Variants in CELF2 observed in about 807,000 individuals in gnomAD.
The protein encoded by CELF2 is CUG triplet repeat RNA-binding protein 2.
CELF2 carries 8 observed loss-of-function variants against 62.6 expected under a neutral mutation model. The observed-to-expected ratio is 0.13, with a 90% CI of 0.07 to 0.23. The LOEUF (loss-of-function observed/expected upper bound fraction) is 0.23. CELF2 is among the 10% of genes least tolerant of loss of function. The probability of loss-of-function intolerance (pLI) is 1.00; values close to 1 mark genes in which losing one functional copy is unlikely to be tolerated. For synonymous variants in CELF2, 258 were observed against 250.0 expected (o/e 1.03, Z -0.30); for missense variants, 333 against 671.0 (o/e 0.50, Z 5.56).
the CELF2 span, among the ~76,000 whole-genome samples, chr10:10,696,261 C>T: frequency 5.7e-4 from 87 of 151,972 alleles, no homozygotes; most frequent in Middle Eastern, 3.4e-3. Flanking sequence ...AGTACCCTGC[C>T]GTGTGAGGTG....
the CELF2 span, among the ~76,000 whole-genome samples, chr10:10,736,782 A>G: frequency 6.6e-6 from 1 of 152,162 alleles, no homozygotes; most frequent in South Asian, 2.1e-4. Context: ...TACTAATAAC[A>G]CACAAAAATG....
intron 2 of CELF2, among the ~76,000 whole-genome samples, chr10:10,956,310 T>C (rs537024896): frequency 2.0e-5 from 3 of 152,330 alleles, no homozygotes; most frequent in Admixed American, 6.5e-5. Flanking sequence ...ATCAAAATGT[T>C]AGGGCTTTAA....
the CELF2 span, among the ~76,000 whole-genome samples, chr10:10,516,259 A>G: frequency 0.99 from 150,058 of 152,298 alleles, 73,965 homozygotes; most frequent in East Asian, 1. Context: ...CAACCAGAAG[A>G]TTCATGGGAT....
the CELF2 span, among the ~76,000 whole-genome samples, chr10:10,618,539 C>T: frequency 6.6e-6 from 1 of 152,028 alleles, no homozygotes; most frequent in African/African-American, 2.4e-5. Flanking sequence ...CTCAAAGCAC[C>T]CCGACCATTC....
the CELF2 span, among the ~76,000 whole-genome samples, chr10:10,765,712 T>C: frequency 2.0e-5 from 3 of 152,200 alleles, no homozygotes; most frequent in Non-Finnish European, 4.4e-5. Flanking sequence ...CTACCTGTTC[T>C]AGAGTTCGCT....
the CELF2 span, among the ~76,000 whole-genome samples, chr10:10,535,921 G>A: frequency 3.9e-5 from 6 of 152,124 alleles, no homozygotes; most frequent in Non-Finnish European, 5.9e-5. Flanking sequence ...GCAAACCTGT[G>A]GGATAAATAG....
the CELF2 span, among the ~76,000 whole-genome samples, chr10:10,564,724 A>G: frequency 6.6e-6 from 1 of 151,510 alleles, no homozygotes; most frequent in Non-Finnish European, 1.5e-5. Context: ...TCCACGAAGA[A>G]AAGCAGCCAA....
intron 1 of CELF2, among the ~76,000 whole-genome samples, chr10:11,025,241 A>ATATATATATATATG (rs1564418086): frequency 1.1e-5 from 1 of 87,084 alleles, no homozygotes; most frequent in Non-Finnish European, 2.6e-5. Context: ...GTGTGTGTGT[A>ATATATATATATATG]TATGTATGTG....
chr10:10,918,583 G>C (rs977852900), intron 1 of CELF2, among the ~76,000 whole-genome samples: 1 of 152,192 alleles, frequency 6.6e-6, no homozygotes, highest in African/African-American at 2.4e-5. Context: ...AGTTCTAATA[G>C]CTGGGAGGGT....
At chr10:10,686,850 A>G in the CELF2 span, among the ~76,000 whole-genome samples, 1 of 152,168 alleles carries the variant, frequency 6.6e-6, no homozygotes, top group African/African-American at 2.4e-5. Context: ...TTGCACTACA[A>G]AAGGCTCATT....
upstream of CELF2, among the ~76,000 whole-genome samples, chr10:11,001,326 T>C (rs537186870): frequency 7.2e-5 from 11 of 152,356 alleles, no homozygotes; most frequent in African/African-American, 2.6e-4. Context: ...ATTTGTGTAC[T>C]GTCCCATGCT....
chr10:10,998,175 G>A (rs1166277762), intron 2 of CELF2, among the ~76,000 whole-genome samples: 1 of 152,162 alleles, frequency 6.6e-6, no homozygotes, highest in Non-Finnish European at 1.5e-5. Flanking sequence ...CCTGTCTCAG[G>A]TATGTCTTCA....
Position 11,165,198 on chromosome 10 carries a change from G to A in CELF2, c.75-288G>A. 1 of 1,247,004 alleles carries A rather than the reference G, an allele frequency of 8.0e-7. No homozygotes were observed. The highest frequency in any genetic ancestry group is 1.0e-6 in the Non-Finnish European group (1 of 990,838). 77.2% of individuals were successfully genotyped at this position (1,247,004 alleles called of 1,614,324 possible). A position where few individuals can be genotyped will look rare whatever the true frequency, so the allele number is the denominator to read the frequency against. ...TGCACTTAACTTGCAGCTGCCTCCC[G>A]AGCCTCCAAGATGTCCACGCCCTGG... On this transcript the variant is annotated intron_variant, in intron 1 of 12. Transcript: ENST00000633077. The surrounding 1 kb of genome is among the most constrained non-coding windows in gnomAD (Gnocchi z 7.4).
At chr10:11,278,684 A>C (rs1472178155) in intron 8 of CELF2, among the ~76,000 whole-genome samples, 1 of 152,224 alleles carries the variant, frequency 6.6e-6, no homozygotes, top group Non-Finnish European at 1.5e-5. Flanking sequence ...TAAGGACGTG[A>C]CTACCACTTT....
Position 11,311,711 on chromosome 10 carries a change from C to A in CELF2, c.977-2428C>A, listed in dbSNP as rs2094570955. ...ATTTGGAGATGTAAGTTTAGCGGAA[C>A]ATTACATACAATTGAAAGAGAATGT... On this transcript the variant is annotated intron_variant, in intron 9 of 12. Transcript: ENST00000633077. The surrounding 1 kb of genome is among the most constrained non-coding windows in gnomAD (Gnocchi z 4.7). Among the ~76,000 whole-genome samples, 1 of 151,832 alleles carries A rather than the reference C, an allele frequency of 6.6e-6. No individual in the cohort carries two copies. Among genetic ancestry groups the A allele is most frequent in the African/African-American group, 2.4e-5 (1 of 41,278 alleles).
chr10:10,558,020 C>G, the CELF2 span, among the ~76,000 whole-genome samples: 12 of 143,282 alleles, frequency 8.4e-5, no homozygotes, highest in African/African-American at 2.3e-4. Flanking sequence ...ATTGAATACC[C>G]TTTATTTCCT....
chr10:10,483,213 C>CAAAA, the CELF2 span, among the ~76,000 whole-genome samples: 1 of 54,366 alleles, frequency 1.8e-5, no homozygotes, highest in Admixed American at 2.6e-4. Flanking sequence ...TGGCAGAATA[C>CAAAA]CAAAAAAAAA....
chr10:10,804,242 T>C (rs2054968795), intron 1 of CELF2, among the ~76,000 whole-genome samples: 1 of 152,240 alleles, frequency 6.6e-6, no homozygotes, highest in African/African-American at 2.4e-5. Flanking sequence ...GTCACAACTA[T>C]ACAACTTTGC....
intron 1 of CELF2, among the ~76,000 whole-genome samples, chr10:11,150,982 C>T (rs1204375558): frequency 6.6e-6 from 1 of 152,100 alleles, no homozygotes; most frequent in Non-Finnish European, 1.5e-5. Context: ...ATTCAACTCC[C>T]CAACACCTTT....
Sources: gnomAD v4.1 joint callset for allele counts (sites outside exome capture counted in the v4.1 genomes callset) on GRCh38, gnomAD v4.1.1 for gene constraint, Gnocchi (gnomAD v3.1) non-coding constraint, MANE v1.5 for transcripts, NCBI Gene and HGNC (gene_info 2026-07-23, HGNC 2026-07-21) for gene names.